RNF180: variants seen among roughly 807,000 people sequenced by gnomAD.
The protein encoded by RNF180 is ring finger protein 180.
A neutral mutation model predicts 59.2 loss-of-function variants in RNF180; 38 were observed. That is an observed-to-expected ratio of 0.64 (90% confidence interval 0.50 to 0.84). RNF180 has a LOEUF of 0.84. Among genes scored for constraint, RNF180 ranks in the 40% least tolerant of loss-of-function variants. The pLI is 0.00. For synonymous variants in RNF180, 262 were observed against 240.3 expected (o/e 1.09, Z -0.84); for missense variants, 705 against 700.9 (o/e 1.01, Z -0.07).
chr5:64,173,167 T>G (rs1167715278), intron 1 of RNF180, among the ~76,000 whole-genome samples: 1 of 152,206 alleles, frequency 6.6e-6, no homozygotes, highest in Non-Finnish European at 1.5e-5. Context: ...AGGTTTTTAT[T>G]TTCTTTTACA....
chr5:64,244,992 C>G (rs1029667376), intron 5 of RNF180, among the ~76,000 whole-genome samples: 1 of 152,238 alleles, frequency 6.6e-6, no homozygotes, highest in Non-Finnish European at 1.5e-5. Context: ...CCAAACTAAG[C>G]TTCATAAGCA....
intron 5 of RNF180, among the ~76,000 whole-genome samples, chr5:64,239,515 G>A (rs188864114): frequency 5.7e-4 from 87 of 152,190 alleles, no homozygotes; most frequent in Admixed American, 4.2e-3. Context: ...GAATGGAGTA[G>A]TCTATTTCAA....
intron 7 of RNF180, among the ~76,000 whole-genome samples, chr5:64,346,356 C>CTTTTT (rs1745554810): frequency 2.1e-5 from 1 of 47,138 alleles, no homozygotes; most frequent in Non-Finnish European, 4.5e-5. Flanking sequence ...TTTTTCTTTT[C>CTTTTT]TTCTTTTTTT....
intron 5 of RNF180, among the ~76,000 whole-genome samples, chr5:64,224,103 G>GTGTGTA (rs1289450269): frequency 6.8e-6 from 1 of 147,124 alleles, no homozygotes; most frequent in Non-Finnish European, 1.5e-5. Context: ...GTGTGTGTGT[G>GTGTGTA]TACATACATA....
chr5:64,333,232 T>C (rs1373950227), intron 7 of RNF180, among the ~76,000 whole-genome samples: 1 of 152,142 alleles, frequency 6.6e-6, no homozygotes, highest in Non-Finnish European at 1.5e-5. Context: ...GGCTAGAGTG[T>C]AGTGGCGCAA....
At chr5:64,358,341 C>A (rs1488493495) in intron 7 of RNF180, among the ~76,000 whole-genome samples, 1 of 151,954 alleles carries the variant, frequency 6.6e-6, no homozygotes, top group South Asian at 2.1e-4. Context: ...AGTCCCATGG[C>A]CTTCGTAACT....
intron 5 of RNF180, among the ~76,000 whole-genome samples, chr5:64,258,327 G>A (rs920158547): frequency 6.6e-6 from 1 of 152,192 alleles, no homozygotes; most frequent in Non-Finnish European, 1.5e-5. Context: ...TTTGAATTCA[G>A]TCTGGCAGAA....
rs539554716 is a variant in RNF180 at position 64,355,151 on chromosome 5, T to G, written c.1580-14464T>G. Among the ~76,000 whole-genome samples, 7 of 152,096 alleles carry G rather than the reference T, an allele frequency of 4.6e-5. No homozygotes were observed. In the South Asian group the frequency reaches 1.4e-3, roughly 31 times the overall value. The stretch of plus-strand genomic sequence containing the variant: ...AGTAGTAAAACTATCTGTATTCTGA[T>G]GTCCTAATCCTGTATACAGAAAATC... On this transcript the variant is annotated intron_variant, in intron 7 of 7. Transcript: ENST00000389100.
intron 1 of RNF180, 195 bp downstream of exon 1, chr5:64,166,148 C>CGG (rs1267998463): frequency 2.6e-5 from 4 of 152,312 alleles, no homozygotes; most frequent in African/African-American, 9.7e-5. Context: ...GGTGACGCGG[C>CGG]CGCGGCTTAA....
intron 5 of RNF180, among the ~76,000 whole-genome samples, chr5:64,294,924 C>T (rs1742809285): frequency 2.6e-5 from 4 of 152,132 alleles, no homozygotes; most frequent in Admixed American, 2.6e-4. Context: ...CTTTATTCCC[C>T]TCTCGTTCAA....
At chr5:64,249,153 G>A (rs1743394003) in intron 5 of RNF180, among the ~76,000 whole-genome samples, 1 of 152,042 alleles carries the variant, frequency 6.6e-6, no homozygotes, top group African/African-American at 2.4e-5. Context: ...ACCTAATGTA[G>A]GTGACGGGTT....
At chr5:64,255,571 T>G (rs954441921) in intron 5 of RNF180, among the ~76,000 whole-genome samples, 9 of 152,232 alleles carry the variant, frequency 5.9e-5, no homozygotes, top group Non-Finnish European at 4.4e-5. Flanking sequence ...GGTGTATATG[T>G]GCCACATTTT....
chr5:64,352,235 G>A (rs969875677), intron 7 of RNF180, among the ~76,000 whole-genome samples: 1 of 151,994 alleles, frequency 6.6e-6, no homozygotes, highest in African/African-American at 2.4e-5. Flanking sequence ...ATTTCTGTGG[G>A]ATCAGTGGTG....
intron 5 of RNF180, among the ~76,000 whole-genome samples, chr5:64,297,028 T>C (rs1203559119): frequency 6.6e-6 from 1 of 152,092 alleles, no homozygotes; most frequent in African/African-American, 2.4e-5. Flanking sequence ...TGTAGCCAGA[T>C]GTTATGAAGA....
chr5:64,185,048 C>T (rs951717977), intron 1 of RNF180, among the ~76,000 whole-genome samples: 6 of 152,196 alleles, frequency 3.9e-5, no homozygotes, highest in South Asian at 4.1e-4. Context: ...TTCCCTTACC[C>T]GTTGATGGCA....
At chr5:64,260,751 C>T (rs1462924038) in intron 5 of RNF180, among the ~76,000 whole-genome samples, 1 of 152,164 alleles carries the variant, frequency 6.6e-6, no homozygotes, top group East Asian at 1.9e-4. Flanking sequence ...CTTTGTTTAA[C>T]ATCTCATCTC....
intron 5 of RNF180, among the ~76,000 whole-genome samples, chr5:64,229,941 C>T (rs1742003119): frequency 6.6e-6 from 1 of 152,192 alleles, no homozygotes; most frequent in African/African-American, 2.4e-5. Context: ...GTGATTGGAA[C>T]AAGGTCACAC....
At chr5:64,171,404 C>CT (rs1749926637) in intron 1 of RNF180, among the ~76,000 whole-genome samples, 1 of 152,130 alleles carries the variant, frequency 6.6e-6, no homozygotes, top group South Asian at 2.1e-4. Flanking sequence ...CATTGTCAGC[C>CT]TTTTGACATG....
At chr5:64,175,312 C>CG (rs1750175856) in intron 1 of RNF180, among the ~76,000 whole-genome samples, 1 of 151,984 alleles carries the variant, frequency 6.6e-6, no homozygotes, top group Admixed American at 6.6e-5. Flanking sequence ...TGGTAGAAGA[C>CG]GGGGGTTTAG....
Sources: gnomAD v4.1 joint callset for allele counts (sites outside exome capture counted in the v4.1 genomes callset) on GRCh38, gnomAD v4.1.1 for gene constraint, MANE v1.5 for transcripts, NCBI Gene and HGNC (gene_info 2026-07-23, HGNC 2026-07-21) for gene names.